GPHN: variants seen among roughly 807,000 people sequenced by gnomAD.
GPHN encodes gephyrin.
A neutral mutation model predicts 95.5 loss-of-function variants in GPHN; 17 were observed. The ratio of observed to expected loss-of-function variants is 0.18; its 90% CI spans 0.12 to 0.27. GPHN has a LOEUF of 0.27. GPHN is among the 10% of genes least tolerant of loss of function. The pLI is 1.00. For synonymous variants in GPHN, 320 were observed against 322.5 expected (o/e 0.99, Z 0.08); for missense variants, 660 against 978.1 (o/e 0.67, Z 4.34).
chr14:67,504,746 G>A, the GPHN span, among the ~76,000 whole-genome samples: 3 of 152,170 alleles, frequency 2.0e-5, no homozygotes, highest in South Asian at 2.1e-4. Flanking sequence ...TTATCTGGGC[G>A]TGGTGGCGGG....
At chr14:66,684,940 C>T (rs1252160564) in intron 2 of GPHN, among the ~76,000 whole-genome samples, 4 of 152,132 alleles carry the variant, frequency 2.6e-5, no homozygotes, top group Non-Finnish European at 2.9e-5. Flanking sequence ...GTGATGTTCC[C>T]TTCCTGTGTC....
the GPHN span, chr14:67,685,231 G>T: frequency 1.3e-6 from 2 of 1,587,060 alleles, no homozygotes; most frequent in Non-Finnish European, 1.7e-6. Context: ...TGAAGAGAGG[G>T]TAAGACAGGA....
intron 1 of GPHN, among the ~76,000 whole-genome samples, chr14:66,677,136 C>T (rs1166817617): frequency 6.6e-6 from 1 of 151,966 alleles, no homozygotes; most frequent in Non-Finnish European, 1.5e-5. Flanking sequence ...TGTAATGTCT[C>T]ATTTTTTATT....
At chr14:67,463,651 A>G in the GPHN span, among the ~76,000 whole-genome samples, 1 of 146,438 alleles carries the variant, frequency 6.8e-6, no homozygotes, top group Non-Finnish European at 1.5e-5. Flanking sequence ...AAAAAAAAAA[A>G]AAAAAAAAAA....
intron 1 of GPHN, among the ~76,000 whole-genome samples, chr14:66,649,312 C>A (rs902599170): frequency 2.6e-5 from 4 of 151,686 alleles, no homozygotes; most frequent in Non-Finnish European, 4.4e-5. Flanking sequence ...CCAACCTGAG[C>A]AACAGAGTGA....
chr14:67,146,677 TA>T (rs1293185949), intron 18 of GPHN, among the ~76,000 whole-genome samples: 2 of 152,212 alleles, frequency 1.3e-5, no homozygotes, highest in Non-Finnish European at 2.9e-5. Context: ...ATAAGAGTGT[TA>T]ATTAACCATG....
At chr14:66,834,762 G>A (rs1468357939) in intron 4 of GPHN, among the ~76,000 whole-genome samples, 1 of 150,474 alleles carries the variant, frequency 6.6e-6, no homozygotes, top group East Asian at 1.9e-4. Context: ...GAATGATGCT[G>A]GCCTCATAAA....
chr14:67,621,325 C>T, the GPHN span, among the ~76,000 whole-genome samples: 1 of 152,256 alleles, frequency 6.6e-6, no homozygotes, highest in South Asian at 2.1e-4. Context: ...TCAGTCTCGC[C>T]AGTTTTCTGT....
At chr14:67,213,437 A>G in the GPHN span, among the ~76,000 whole-genome samples, 1 of 147,372 alleles carries the variant, frequency 6.8e-6, no homozygotes, top group Admixed American at 6.9e-5. Flanking sequence ...TTCTTGCGAT[A>G]GTTTACTGAG....
chr14:67,692,212 A>G, the GPHN span: 3 of 488,546 alleles, frequency 6.1e-6, no homozygotes, highest in Non-Finnish European at 1.1e-5. Flanking sequence ...TTCTGGCTTC[A>G]GCTCTTACTC....
chr14:67,512,037 T>C, the GPHN span, among the ~76,000 whole-genome samples: 1 of 152,244 alleles, frequency 6.6e-6, no homozygotes, highest in Non-Finnish European at 1.5e-5. Context: ...ACCCTGGTAC[T>C]GATGTAAATT....
At chr14:67,312,849 G>A in the GPHN span, 9 of 622,990 alleles carry the variant, frequency 1.4e-5, no homozygotes, top group African/African-American at 1.7e-4. Context: ...GGGTTTTTAT[G>A]TTGTACCTGC....
chr14:67,526,680 G>A, the GPHN span, among the ~76,000 whole-genome samples: 1 of 152,126 alleles, frequency 6.6e-6, no homozygotes, highest in Non-Finnish European at 1.5e-5. Flanking sequence ...GATCAGAAGG[G>A]AATGGATCTG....
intron 9 of GPHN, among the ~76,000 whole-genome samples, chr14:66,995,097 GA>G (rs2071696924): frequency 6.6e-6 from 1 of 152,032 alleles, no homozygotes; most frequent in Non-Finnish European, 1.5e-5. Flanking sequence ...TTTGTGTTTT[GA>G]TACTTCCTGC....
At chr14:67,175,386 G>A (rs2082872664) in intron 21 of GPHN, among the ~76,000 whole-genome samples, 1 of 152,292 alleles carries the variant, frequency 6.6e-6, no homozygotes, top group Admixed American at 6.5e-5. Flanking sequence ...TCAGATGGTT[G>A]TAGATGTGTG....
chr14:66,538,938 C>T (rs1046705073), intron 1 of GPHN, among the ~76,000 whole-genome samples: 2 of 152,000 alleles, frequency 1.3e-5, no homozygotes, highest in African/African-American at 4.8e-5. Context: ...AGATGATTCC[C>T]CTTTTTAGTT....
chr14:67,658,361 G>A, the GPHN span, among the ~76,000 whole-genome samples: 8 of 152,064 alleles, frequency 5.3e-5, no homozygotes, highest in South Asian at 6.2e-4. Context: ...TTGGGAGGCC[G>A]AGACGGGTGG....
Position 67,122,139 on chromosome 14 carries a change from C to G in GPHN, c.1627-117C>G, listed in dbSNP as rs1232025498. 18 of 935,708 alleles carry G rather than the reference C, an allele frequency of 1.9e-5. No homozygotes were observed. In the Admixed American group the frequency reaches 3.3e-4, roughly 17 times the overall value. The allele number at this position is 935,708 out of a possible 1,614,324, so 58.0% of individuals were successfully genotyped here. A position where few individuals can be genotyped will look rare whatever the true frequency, so the allele number is the denominator to read the frequency against. ...CCTTTGGGCATTCACCTTCAAAATGCCAGATACCATTGTAGGTGCTAGATA... is the reference window on the plus strand; with the variant it reads ...CCTTTGGGCATTCACCTTCAAAATGGCAGATACCATTGTAGGTGCTAGATA... On this transcript the variant is annotated intron_variant, in intron 16 of 22. Transcript: ENST00000478722.
intron 2 of GPHN, among the ~76,000 whole-genome samples, chr14:66,741,423 A>G (rs984451229): frequency 2.0e-4 from 30 of 152,292 alleles, no homozygotes; most frequent in African/African-American, 6.0e-4. Flanking sequence ...GAGGATATAT[A>G]TGTATGTATG....
Sources: gnomAD v4.1 joint callset for allele counts (sites outside exome capture counted in the v4.1 genomes callset) on GRCh38, gnomAD v4.1.1 for gene constraint, MANE v1.5 for transcripts, NCBI Gene and HGNC (gene_info 2026-07-23, HGNC 2026-07-21) for gene names.